The following NALF1 variants were observed in gnomAD, a reference collection of about 807,000 sequenced individuals.
NALF1 encodes family with sequence similarity 155 member A.
In NALF1, 3 loss-of-function variants were observed where a neutral mutation model predicts 48.4. That is an observed-to-expected ratio of 0.06 (90% CI 0.03 to 0.16). NALF1 has a LOEUF of 0.16. NALF1 is among the 10% of genes least tolerant of loss of function. The probability of loss-of-function intolerance (pLI) is 1.00; values close to 1 mark genes in which losing one functional copy is unlikely to be tolerated. For synonymous variants in NALF1, 262 were observed against 245.7 expected (o/e 1.07, Z -0.62); for missense variants, 526 against 571.5 (o/e 0.92, Z 0.81).
chr13:107,514,872 A>G (rs1258051770), intron 1 of NALF1, among the ~76,000 whole-genome samples: 1 of 152,170 alleles, frequency 6.6e-6, no homozygotes, highest in African/African-American at 2.4e-5. Context: ...TCAAGCTAGT[A>G]AAGTATAGTT....
intron 1 of NALF1, among the ~76,000 whole-genome samples, chr13:107,851,353 T>C (rs1416528981): frequency 6.6e-6 from 1 of 151,748 alleles, no homozygotes; most frequent in Admixed American, 6.6e-5. Context: ...TTTTTTTTTT[T>C]TTCTTTAAGT....
chr13:107,729,374 T>C (rs1319759757), intron 1 of NALF1, among the ~76,000 whole-genome samples: 1 of 152,050 alleles, frequency 6.6e-6, no homozygotes, highest in Non-Finnish European at 1.5e-5. Flanking sequence ...CTAAAATCTG[T>C]AATAGGATGC....
intron 1 of NALF1, among the ~76,000 whole-genome samples, chr13:107,370,669 G>A (rs1328636836): frequency 6.6e-6 from 1 of 152,146 alleles, no homozygotes; most frequent in Non-Finnish European, 1.5e-5. Context: ...ATACTGGAAA[G>A]CAAAACAGTT....
chr13:107,363,170 G>T (rs1050705479), intron 1 of NALF1, among the ~76,000 whole-genome samples: 2 of 152,048 alleles, frequency 1.3e-5, no homozygotes, highest in Non-Finnish European at 2.9e-5. Context: ...AAAAATCTTA[G>T]GATTTCTAAC....
intron 1 of NALF1, among the ~76,000 whole-genome samples, chr13:107,841,761 T>C (rs1158375042): frequency 6.6e-6 from 1 of 152,118 alleles, no homozygotes; most frequent in Non-Finnish European, 1.5e-5. Context: ...AGCATATTGT[T>C]TAAATAAGTT....
chr13:107,415,672 CA>C (rs1884072614), intron 1 of NALF1, among the ~76,000 whole-genome samples: 1 of 152,170 alleles, frequency 6.6e-6, no homozygotes. Flanking sequence ...ATAATCTCAT[CA>C]GGGGGCCTCA....
At position 107,165,412 on chromosome 13, in the gene NALF1, GC is replaced by G. The variant is rs2138756138; in HGVS notation, c.*5084del. 6.6e-6 allele frequency: 1 copy of G among 152,280 alleles called. No homozygotes were observed. Among genetic ancestry groups the G allele is most frequent in the South Asian group, 2.1e-4 (1 of 4,828 alleles). 9.4% of individuals were successfully genotyped at this position (152,280 alleles called of 1,614,324 possible). On this transcript the variant is annotated 3_prime_UTR_variant, in exon 3 of 3. Coordinates refer to ENST00000375915, the MANE Select transcript of NALF1 (RefSeq NM_001080396.3). ...CTTGTGTAATTTGTAATCAGAAGAT[GC>G]TTGAGTTCCATCATTTGCATTACCT...
intron 1 of NALF1, among the ~76,000 whole-genome samples, chr13:107,462,240 T>TG (rs1291584163): frequency 2.0e-5 from 3 of 152,080 alleles, no homozygotes; most frequent in Non-Finnish European, 4.4e-5. Flanking sequence ...TCCAAAGAAA[T>TG]GCAAATACAA....
At chr13:107,708,701 T>A (rs2138517177) in intron 1 of NALF1, among the ~76,000 whole-genome samples, 1 of 112,404 alleles carries the variant, frequency 8.9e-6, no homozygotes, top group Admixed American at 1.1e-4. Flanking sequence ...CCAACTACTT[T>A]ATACCTTTTC....
At chr13:107,329,663 CACA>C (rs1171120133) in intron 1 of NALF1, among the ~76,000 whole-genome samples, 2 of 146,894 alleles carry the variant, frequency 1.4e-5, no homozygotes, top group African/African-American at 5.1e-5. Context: ...CCCCCCACGC[CACA>C]ACAATCCCTG....
rs948480140 is a variant in NALF1 at position 107,168,217 on chromosome 13, T to G, written c.*2280A>C. 2.0e-5 allele frequency: 3 copies of G among 152,260 alleles called. No individual in the cohort carries two copies. Among genetic ancestry groups the G allele is most frequent in the Admixed American group, 1.3e-4 (2 of 15,270 alleles). The allele number at this position is 152,260 out of a possible 1,614,324, so 9.4% of individuals were successfully genotyped here. On this transcript the variant is annotated 3_prime_UTR_variant, in exon 3 of 3. Transcript: ENST00000375915. ...AGGTCATCTGAATAAAATCACCCTG[T>G]GAGCTCTTCCTCAGGAATCACTTGC...
At chr13:107,201,977 G>A (rs1879531568) in intron 2 of NALF1, among the ~76,000 whole-genome samples, 2 of 152,042 alleles carry the variant, frequency 1.3e-5, no homozygotes, top group African/African-American at 4.8e-5. Flanking sequence ...CCCATAAATT[G>A]GTTAATAAAG....
At chr13:107,476,215 T>C (rs74114560) in intron 1 of NALF1, among the ~76,000 whole-genome samples, 15,042 of 152,220 alleles carry the variant, frequency 0.099, 1,088 homozygotes, top group African/African-American at 0.2. Context: ...TAAGTCTAAT[T>C]TGATGTCTCA....
At chr13:107,398,934 A>G (rs1031175767) in intron 1 of NALF1, among the ~76,000 whole-genome samples, 2 of 152,216 alleles carry the variant, frequency 1.3e-5, no homozygotes, top group African/African-American at 4.8e-5. Context: ...TCAAAAGATT[A>G]TAAGGAGCTT....
chr13:107,622,468 C>CA (rs1421051414), intron 1 of NALF1, among the ~76,000 whole-genome samples: 1 of 87,726 alleles, frequency 1.1e-5, no homozygotes, highest in African/African-American at 3.2e-5. Flanking sequence ...ACAACAACAA[C>CA]AACAAAAAAA....
chr13:107,554,526 C>T (rs966063922), intron 1 of NALF1, among the ~76,000 whole-genome samples: 5 of 152,118 alleles, frequency 3.3e-5, no homozygotes, highest in Non-Finnish European at 5.9e-5. Context: ...CTGTGCAGCC[C>T]GGGGACCCAG....
intron 1 of NALF1, among the ~76,000 whole-genome samples, chr13:107,259,853 A>G (rs563287188): frequency 6.6e-6 from 1 of 152,326 alleles, no homozygotes; most frequent in East Asian, 1.9e-4. Flanking sequence ...GTTTGAAAGT[A>G]TCATTTACAT....
At chr13:107,301,227 G>A (rs1445714604) in intron 1 of NALF1, among the ~76,000 whole-genome samples, 1 of 152,040 alleles carries the variant, frequency 6.6e-6, no homozygotes, top group Non-Finnish European at 1.5e-5. Context: ...TCCAGATATA[G>A]CCTGTTCAAC....
intron 1 of NALF1, among the ~76,000 whole-genome samples, chr13:107,373,320 A>T (rs4444189): frequency 6.6e-6 from 1 of 151,956 alleles, no homozygotes; most frequent in Non-Finnish European, 1.5e-5. Context: ...GAGATCGAAG[A>T]TTTTGAATAC....
Sources: allele counts gnomAD v4.1 joint callset (sites outside exome capture counted in the v4.1 genomes callset), GRCh38; gene constraint gnomAD v4.1.1; transcripts MANE v1.5; gene names NCBI Gene and HGNC (gene_info 2026-07-23, HGNC 2026-07-21).